Variants in SH2D2A observed in about 807,000 individuals in gnomAD.
The protein encoded by SH2D2A is SH2 domain-containing protein 2A.
SH2D2A carries 33 observed loss-of-function variants against 43.6 expected under a neutral mutation model. The ratio of observed to expected loss-of-function variants is 0.76; its 90% CI spans 0.57 to 1.01. The LOEUF is 1.01. SH2D2A is among the 50% of genes least tolerant of loss of function. The pLI is 0.00. For missense variants in SH2D2A, 491 were observed against 503.1 expected, an observed-to-expected ratio of 0.98 and a Z score of 0.23; for synonymous variants, 212 against 206.1, an observed-to-expected ratio of 1.03 and a Z score of -0.25.
In SH2D2A at chr1:156,815,524, G is replaced by A. The variant is rs569113598; in HGVS notation, c.124-303C>T. On this transcript the variant is annotated intron_variant, in intron 2 of 8. Transcript: ENST00000368199. ...GAAAGGCAGCACAGCCTTCCAGATG[G>A]ACAGAGTCATTCCCTGGCCTGGAGG... The A allele has an allele frequency of 2.8e-5, 17 of 599,698 alleles. No homozygotes were observed. The East Asian group carries it at 4.7e-4, about 17-fold the overall frequency. The allele number at this position is 599,698 out of a possible 1,614,324, so 37.1% of individuals were successfully genotyped here.
At chr1:156,813,532 C>A (rs1461432819) in intron 5 of SH2D2A, among the ~76,000 whole-genome samples, 1 of 152,088 alleles carries the variant, frequency 6.6e-6, no homozygotes, top group African/African-American at 2.4e-5. Context: ...CGCGACAGAG[C>A]GAGACTCTGT....
chr1:156,813,939 G>T lies in SH2D2A; in HGVS notation c.476C>A (p.Ala159Asp). The T allele has an allele frequency of 6.5e-7, 1 of 1,534,820 alleles. No homozygotes were observed. Among genetic ancestry groups the T allele is most frequent in the Non-Finnish European group, 8.7e-7 (1 of 1,144,440 alleles). ...GRHVVLGEDS[A>D]HARLQDLLLH... ...CAGCAGGTCCTGCAGCCGCGCGTGG[G>T]CGCTGTCCTCGCCCAGCACCACGTG... The change falls in exon 5 of 9, where the codon GCC becomes GAC. Residue 159 changes from alanine (A) to aspartate (D), a missense_variant. Transcript: ENST00000368199.
At chr1:156,813,824 C>T in intron 5 of SH2D2A, 24 bp downstream of exon 5, 3 of 1,399,074 alleles carry the variant, frequency 2.1e-6, no homozygotes, top group Non-Finnish European at 2.8e-6. Flanking sequence ...CCTGGGCTCT[C>T]TGGTCAGGGT....
At position 156,809,358 on chromosome 1, in the gene SH2D2A, G is replaced by A; in HGVS notation, c.847C>T (p.Pro283Ser). The change falls in exon 7 of 9, where the codon CCT becomes TCT. Residue 283 changes from proline (P) to serine (S), a missense_variant. By Grantham distance (74) the Pro-to-Ser change is moderately conservative (BLOSUM62 -1). Coordinates refer to ENST00000368199, the MANE Select transcript of SH2D2A (RefSeq NM_003975.4). The surrounding 1 kb of genome is among the most constrained non-coding windows in gnomAD (Gnocchi z 4.8). The part of the protein sequence containing the change: ...PKPSNPIYNE[P>S]DEPIAFYAMG... ...GCATAGAAAGCTATGGGTTCATCAG[G>A]CTCATTGTAGATAGGATTGGAGGGC... The A allele has an allele frequency of 6.2e-7, 1 of 1,614,140 alleles. No homozygotes were observed. The highest frequency in any genetic ancestry group is 8.5e-7 in the Non-Finnish European group (1 of 1,180,012).
rs1653290291 is a variant in SH2D2A at position 156,809,903 on chromosome 1, G to C, written c.568-96C>G. The C allele has an allele frequency of 1.4e-6, 2 of 1,387,784 alleles. No individual in the cohort carries two copies. Among genetic ancestry groups the C allele is most frequent in the Non-Finnish European group, 2.0e-6 (2 of 1,000,128 alleles). The allele number at this position is 1,387,784 out of a possible 1,614,324, so 86.0% of individuals were successfully genotyped here. A position where few individuals can be genotyped will look rare whatever the true frequency, so the allele number is the denominator to read the frequency against. ...AATAATCCAGTCTAAGTGGAGGATG[G>C]GGGAAGGGGGAGGAGCACAGAAATT... On this transcript the variant is annotated intron_variant, in intron 5 of 8. Coordinates refer to ENST00000368199, the MANE Select transcript of SH2D2A (RefSeq NM_003975.4). The surrounding 1 kb of genome is among the most constrained non-coding windows in gnomAD (Gnocchi z 4.8).
chr1:156,815,864 TC>T, intron 2 of SH2D2A, 141 bp downstream of exon 2: 1 of 1,614,130 alleles, frequency 6.2e-7, no homozygotes, highest in South Asian at 1.1e-5. Context: ...GTTCTCTCTC[TC>T]TGTGCCCCAG....
In SH2D2A at chr1:156,809,230, G is replaced by C. The variant is rs966234572; in HGVS notation, c.975C>G (p.Ser325Arg). ...ATLGHPVLRK[S>R]WSRPVPGGQN... is the part of the protein sequence containing the mutation. ...GGCCTCCTGGGACAGGCCTGGACCA[G>C]CTCTTCCGTAGGACAGGGTGCCCAA... is the stretch of plus-strand genomic sequence containing the variant. Residue 325 changes from serine to arginine, a missense_variant, in exon 7 of 9, where the codon AGC becomes AGG. Ser to Arg is a moderately radical substitution (Grantham distance 110). Coordinates refer to ENST00000368199, the MANE Select transcript of SH2D2A (RefSeq NM_003975.4). This position sits in a 1 kb window ranked among gnomAD's most constrained non-coding sequence, Gnocchi z 4.8. 1 of 1,613,330 alleles carries C rather than the reference G, an allele frequency of 6.2e-7. No individual in the cohort carries two copies. Among genetic ancestry groups the C allele is most frequent in the Non-Finnish European group, 8.5e-7 (1 of 1,179,556 alleles).
chr1:156,814,900 G>A, intron 3 of SH2D2A, 137 bp downstream of exon 3: 1 of 652,112 alleles, frequency 1.5e-6, no homozygotes, highest in Non-Finnish European at 2.4e-6. Context: ...TCTGGGAGTG[G>A]GAGCCTGGAG....
At chr1:156,814,044 A>G (rs1261202457) in intron 4 of SH2D2A, 28 bp from the exon 5 acceptor site, 3 of 1,494,162 alleles carry the variant, frequency 2.0e-6, no homozygotes, top group Non-Finnish European at 2.7e-6. Flanking sequence ...GGATCAGACT[A>G]TCTCCCGCTC....
rs191693014 is a variant in SH2D2A, at chr1:156,807,176, G to A, written c.*2C>T. ...TATCCTCACCAAGCTCAGACTTACC[G>A]CCTACTGAGGAGGCCCAAGGGGAAG... On this transcript the variant is annotated splice_region_variant and 3_prime_UTR_variant, in exon 8 of 9. Transcript: ENST00000368199. The surrounding 1 kb of genome is among the most constrained non-coding windows in gnomAD (Gnocchi z 5.1). 1,240 of 1,608,262 alleles carry A rather than the reference G, an allele frequency of 7.7e-4. 17 individuals carry two copies. The East Asian group carries it at 0.026, about 34-fold the overall frequency.
Position 156,814,222 on chromosome 1 carries a change from G to T in SH2D2A, c.381C>A (p.Thr127=). The T allele has an allele frequency of 6.2e-7, 1 of 1,613,870 alleles. No homozygotes were observed. The highest frequency in any genetic ancestry group is 8.5e-7 in the Non-Finnish European group (1 of 1,179,954). The change falls in exon 4 of 9, where the codon ACC becomes ACA. Residue 127 remains threonine (T), a synonymous_variant. Transcript: ENST00000368199. ...YLVRFSESAV[T]FVLTYRSRTC... The stretch of plus-strand genomic sequence containing the variant: ...CCCCTCACCTGTAAGTCAGCACGAA[G>T]GTCACCGCGCTCTCGCTGAACCGCA...
chr1:156,808,452 T>A (rs2102790432), intron 7 of SH2D2A, among the ~76,000 whole-genome samples: 1 of 152,232 alleles, frequency 6.6e-6, no homozygotes, highest in South Asian at 2.1e-4. Flanking sequence ...ACGTTAGCTC[T>A]AGGACAGCAG....
Position 156,809,519 on chromosome 1 carries a change from G to C in SH2D2A, c.715-29C>G, listed in dbSNP as rs1277873648. 6 of 1,574,880 alleles carry C rather than the reference G, an allele frequency of 3.8e-6. No individual in the cohort carries two copies. The South Asian group carries it at 7.0e-5, about 18-fold the overall frequency. ...GGAGAGAAGGTGAGGCCAGGGAGGA[G>C]TGGGGTGAGGGAGGCAGGGTTAAAG... On this transcript the variant is annotated intron_variant, in intron 6 of 8. Transcript: ENST00000368199. This position sits in a 1 kb window ranked among gnomAD's most constrained non-coding sequence, Gnocchi z 4.8.
rs1318875635 is a variant in SH2D2A at position 156,809,787 on chromosome 1, A to C, written c.588T>G (p.Leu196=). The C allele has an allele frequency of 3.7e-6, 6 of 1,613,682 alleles. No individual in the cohort carries two copies. Among genetic ancestry groups the C allele is most frequent in the Non-Finnish European group, 5.1e-6 (6 of 1,179,824 alleles). ...LARQTPEPAG[L]SLRTEESNFG... ...AGTTTGATTCTTCGGTCCTCAGGGA[A>C]AGTCCTGCAGGCTCAGGAGTCTGCT... The change falls in exon 6 of 9, where the codon CTT becomes CTG. Residue 196 remains leucine, a synonymous_variant. Coordinates refer to ENST00000368199, the MANE Select transcript of SH2D2A (RefSeq NM_003975.4). The surrounding 1 kb of genome is among the most constrained non-coding windows in gnomAD (Gnocchi z 4.8).
Position 156,815,155 on chromosome 1 carries a change from C to T in SH2D2A, c.190G>A (p.Gly64Arg). The change falls in exon 3 of 9, where the codon GGA (glycine) becomes AGA (arginine). Residue 64 changes from glycine to arginine, a missense_variant. Gly to Arg is a moderately radical substitution (Grantham distance 125). Transcript: ENST00000368199. ...GNAERAEEVP[G>R]EGSLFLQAET... ...GCCTGCAGGAACAGGCTTCCTTCTCCAGGCACCTCCTCTGCCCTCTCAGCA... is the reference window on the plus strand; with the variant it reads ...GCCTGCAGGAACAGGCTTCCTTCTCTAGGCACCTCCTCTGCCCTCTCAGCA... 1.2e-6 allele frequency: 2 copies of T among 1,605,676 alleles called. No homozygotes were observed. Among genetic ancestry groups the T allele is most frequent in the Non-Finnish European group, 1.7e-6 (2 of 1,176,234 alleles).
intron 5 of SH2D2A, among the ~76,000 whole-genome samples, chr1:156,810,871 A>G (rs1265431526): frequency 6.6e-6 from 1 of 152,110 alleles, no homozygotes; most frequent in Non-Finnish European, 1.5e-5. Flanking sequence ...GAGGAGCCCC[A>G]TGTGGGATGG....
rs778470527 is a variant in SH2D2A at position 156,807,187 on chromosome 1, A to G, written c.1161T>C (p.Pro387=). ...AGCTCAGACTTACCGCCTACTGAGG[A>G]GGCCCAAGGGGAAGCCATGCCTGTC... ...DRGQAWLPLG[P]PQ is the part of the protein sequence containing the mutation. The change falls in exon 8 of 9, where the codon CCT becomes CCC. Residue 387 remains proline, a synonymous_variant. Transcript: ENST00000368199. The surrounding 1 kb of genome is among the most constrained non-coding windows in gnomAD (Gnocchi z 5.1). 3 of 1,580,660 alleles carry G rather than the reference A, an allele frequency of 1.9e-6. No individual in the cohort carries two copies. The South Asian group carries it at 3.3e-5, about 17-fold the overall frequency.
chr1:156,814,667 A>G, intron 3 of SH2D2A: 1 of 391,862 alleles, frequency 2.6e-6, no homozygotes, highest in Non-Finnish European at 4.6e-6. Context: ...AGGCTGAGAA[A>G]TGGAGGAGGG....
chr1:156,814,670 G>T, intron 3 of SH2D2A: 1 of 396,184 alleles, frequency 2.5e-6, no homozygotes. Flanking sequence ...CTGAGAAATG[G>T]AGGAGGGAGA....
Sources: allele counts gnomAD v4.1 joint callset (sites outside exome capture counted in the v4.1 genomes callset), GRCh38; gene constraint gnomAD v4.1.1; non-coding constraint Gnocchi (gnomAD v3.1); transcripts MANE v1.5; gene names NCBI Gene and HGNC (gene_info 2026-07-23, HGNC 2026-07-21).